LDLRAD4: variants seen among roughly 807,000 people sequenced by gnomAD.
LDLRAD4 encodes the protein low density lipoprotein receptor class A domain containing 4, also known as low-density lipoprotein receptor class A domain-containing protein 4.
Under a neutral mutation model 17.0 loss-of-function variants are expected in LDLRAD4, and 5 were observed. The ratio of observed to expected loss-of-function variants is 0.29; its 90% confidence interval spans 0.15 to 0.62. The LOEUF is 0.62. Among genes scored for constraint, LDLRAD4 ranks in the 20% least tolerant of loss-of-function variants. LDLRAD4 has a pLI of 0.84. For synonymous variants in LDLRAD4, 168 were observed against 171.8 expected, an observed-to-expected ratio of 0.98 and a Z score of 0.17; for missense variants, 340 against 424.7, an observed-to-expected ratio of 0.80 and a Z score of 1.75.
chr18:13,269,040 A>C (rs2044374813), intron 1 of LDLRAD4, among the ~76,000 whole-genome samples: 1 of 152,200 alleles, frequency 6.6e-6, no homozygotes, highest in Non-Finnish European at 1.5e-5. Context: ...CAGAAGTGGA[A>C]ATTTGGCAGC....
At chr18:13,404,753 G>C (rs549857962) in intron 2 of LDLRAD4, among the ~76,000 whole-genome samples, 1 of 151,618 alleles carries the variant, frequency 6.6e-6, no homozygotes, top group African/African-American at 2.4e-5. Context: ...AGCCGAGATC[G>C]TGCCACTGCT....
chr18:13,575,789 A>C (rs186580522), intron 3 of LDLRAD4, among the ~76,000 whole-genome samples: 1 of 152,218 alleles, frequency 6.6e-6, no homozygotes, highest in Admixed American at 6.5e-5. Flanking sequence ...GTGGTATTGC[A>C]TTGTAGTTTT....
intron 3 of LDLRAD4, among the ~76,000 whole-genome samples, chr18:13,453,582 G>A (rs556815210): frequency 2.2e-4 from 33 of 152,292 alleles, no homozygotes; most frequent in Non-Finnish European, 4.4e-4. Context: ...TAACTTTAAT[G>A]AGATAAATAT....
At chr18:13,516,608 A>G (rs1308608690) in intron 3 of LDLRAD4, among the ~76,000 whole-genome samples, 1 of 152,248 alleles carries the variant, frequency 6.6e-6, no homozygotes, top group East Asian at 1.9e-4. Context: ...CGGCACTTCA[A>G]GTGGACACTA....
chr18:13,546,766 T>G (rs767283569), intron 3 of LDLRAD4, among the ~76,000 whole-genome samples: 1 of 152,146 alleles, frequency 6.6e-6, no homozygotes, highest in Non-Finnish European at 1.5e-5. Flanking sequence ...CTTTCTCAGC[T>G]TAGAGAAAGC....
intron 3 of LDLRAD4, among the ~76,000 whole-genome samples, chr18:13,555,457 G>T (rs1219427839): frequency 6.6e-6 from 1 of 152,138 alleles, no homozygotes; most frequent in Non-Finnish European, 1.5e-5. Flanking sequence ...TTGTAGAAAT[G>T]ATTCAGCTGG....
chr18:13,277,924 A>G (rs1451558456), upstream of LDLRAD4, among the ~76,000 whole-genome samples: 9 of 152,138 alleles, frequency 5.9e-5, no homozygotes, highest in Non-Finnish European at 8.8e-5. Context: ...TCTGTGCTGT[A>G]ATTCTTCTCT....
At position 13,447,415 on chromosome 18, in the gene LDLRAD4, C is replaced by A. The variant is rs999274792; in HGVS notation, c.181+9031C>A. 2.0e-5 allele frequency among the ~76,000 whole-genome samples: 3 copies of A among 150,820 alleles called. No homozygotes were observed. In the East Asian group the frequency reaches 6.0e-4, roughly 30 times the overall value. ...AGACGGTTTTCTGATCAATTAAAAT[C>A]GTGTAGGGTCTTAAATGGTAATTCT... is the stretch of plus-strand genomic sequence containing the variant. On this transcript the variant is annotated intron_variant, in intron 3 of 5. Transcript: ENST00000359446.
chr18:13,621,259 C>T lies in LDLRAD4; in HGVS notation c.324C>T (p.Asp108=), dbSNP rs144938616. 218 of 1,612,098 alleles carry T rather than the reference C, an allele frequency of 1.4e-4. No individual in the cohort carries two copies. Among genetic ancestry groups the T allele is most frequent in the Non-Finnish European group, 1.1e-4 (126 of 1,179,786 alleles). Residue 108 remains aspartate, a synonymous_variant, in exon 4 of 6, where the codon GAC becomes GAT. Coordinates refer to ENST00000359446, the Ensembl canonical transcript of LDLRAD4. This position sits in a 1 kb window ranked among gnomAD's most constrained non-coding sequence, Gnocchi z 5.5. ...CGAACCAGAGCCGGAGGCGGGAGGA[C>T]GGGCTGCCGCAGGTGAGTACCCTGG...
At chr18:13,502,633 G>T (rs928574451) in intron 3 of LDLRAD4, among the ~76,000 whole-genome samples, 1 of 121,606 alleles carries the variant, frequency 8.2e-6, no homozygotes. Flanking sequence ...GGAACAAGCC[G>T]TGTAGCTCTG....
intron 3 of LDLRAD4, among the ~76,000 whole-genome samples, chr18:13,546,472 G>A (rs561780226): frequency 4.3e-4 from 65 of 150,712 alleles, no homozygotes; most frequent in African/African-American, 1.5e-3. Flanking sequence ...AGGCTCAAGC[G>A]ATTCTCCTGC....
At chr18:13,450,331 C>CG (rs998889298) in intron 3 of LDLRAD4, among the ~76,000 whole-genome samples, 1 of 119,902 alleles carries the variant, frequency 8.3e-6, no homozygotes, top group Non-Finnish European at 1.8e-5. Flanking sequence ...CCCCCACCCC[C>CG]CCCCCCAAAA....
intron 1 of LDLRAD4, among the ~76,000 whole-genome samples, chr18:13,297,297 G>A (rs1209031733): frequency 2.6e-5 from 4 of 152,150 alleles, no homozygotes; most frequent in Admixed American, 1.3e-4. Context: ...TCATAGCACC[G>A]TTTGGTGTTT....
intron 1 of LDLRAD4, among the ~76,000 whole-genome samples, chr18:13,345,943 A>T (rs1180939829): frequency 2.0e-5 from 3 of 151,846 alleles, no homozygotes; most frequent in African/African-American, 7.3e-5. Context: ...ATCATTTTTT[A>T]TTGCCATCTA....
intron 3 of LDLRAD4, among the ~76,000 whole-genome samples, chr18:13,525,579 A>G (rs1001762198): frequency 6.6e-6 from 1 of 152,182 alleles, no homozygotes; most frequent in African/African-American, 2.4e-5. Context: ...TCCTGTTTCA[A>G]ATCTGTGTTG....
intron 3 of LDLRAD4, among the ~76,000 whole-genome samples, chr18:13,491,935 G>A (rs566906158): frequency 3.9e-5 from 6 of 152,256 alleles, no homozygotes; most frequent in Admixed American, 1.3e-4. Flanking sequence ...AAGTAGAGGC[G>A]CTTCCATCAT....
At chr18:13,493,763 T>C (rs925346615) in intron 3 of LDLRAD4, among the ~76,000 whole-genome samples, 4 of 152,140 alleles carry the variant, frequency 2.6e-5, no homozygotes, top group African/African-American at 9.7e-5. Context: ...CTTTACTTCA[T>C]CCGTGGCTGG....
intron 3 of LDLRAD4, among the ~76,000 whole-genome samples, chr18:13,448,857 C>T (rs79289764): frequency 0.047 from 7,215 of 152,242 alleles, 189 homozygotes; most frequent in East Asian, 0.075. Context: ...CCATGAGATA[C>T]GTCGTGGACT....
At chr18:13,380,619 A>G (rs1403542150) in intron 1 of LDLRAD4, among the ~76,000 whole-genome samples, 1 of 152,100 alleles carries the variant, frequency 6.6e-6, no homozygotes, top group Non-Finnish European at 1.5e-5. Context: ...TTTAGGGGGA[A>G]CTCTCTCCAA....
Sources: gnomAD v4.1 joint callset for allele counts (sites outside exome capture counted in the v4.1 genomes callset) on GRCh38, gnomAD v4.1.1 for gene constraint, Gnocchi (gnomAD v3.1) non-coding constraint, MANE v1.5 for transcripts, NCBI Gene and HGNC (gene_info 2026-07-23, HGNC 2026-07-21) for gene names.